PHLDB2: variants seen among roughly 807,000 people sequenced by gnomAD.
The protein encoded by PHLDB2 is pleckstrin homology-like domain family B member 2.
In PHLDB2, 71 loss-of-function variants were observed where a neutral mutation model predicts 123.6. That is an observed-to-expected ratio of 0.57 (90% CI 0.47 to 0.70). The LOEUF (loss-of-function observed/expected upper bound fraction) is 0.70. Ranked by LOEUF, PHLDB2 falls within the 30% of genes least tolerant of loss-of-function variation. The pLI, the probability that PHLDB2 is intolerant of heterozygous loss-of-function variation, is 0.00. For missense variants in PHLDB2, 1,446 were observed against 1,519.5 expected, an observed-to-expected ratio of 0.95 and a Z score of 0.80; for synonymous variants, 547 against 541.6, an observed-to-expected ratio of 1.01 and a Z score of -0.14.
chr3:111,955,144 G>GATATATATATATATAT lies in PHLDB2; in HGVS notation c.2872+1116_2872+1131dup, dbSNP rs1553754364. ...TAATGTGTATTGTGTATGTATATAT[G>GATATATATATATATAT]ATATATATATATATATCTCTCACTG... On this transcript the variant is annotated intron_variant, in intron 12 of 17. Transcript: ENST00000431670. Among the ~76,000 whole-genome samples, 586 of 145,242 alleles carry GATATATATATATATAT rather than the reference G, an allele frequency of 4.0e-3. 4 individuals are homozygous for GATATATATATATATAT. Among genetic ancestry groups the GATATATATATATATAT allele is most frequent in the African/African-American group, 7.5e-3 (294 of 39,432 alleles).
chr3:111,791,447 A>G (rs1381874000), intron 1 of PHLDB2, among the ~76,000 whole-genome samples: 1 of 152,198 alleles, frequency 6.6e-6, no homozygotes, highest in African/African-American at 2.4e-5. Context: ...TCTCAAAAGT[A>G]TCTTTGTTGA....
At position 111,796,168 on chromosome 3, in the gene PHLDB2, G is replaced by A. The variant is rs147893343; in HGVS notation, c.-48-49653G>A. ...CTGACTCGGCTTCCCAAAGTGCTGG[G>A]ATTACAGGCATGAGCCACCACATCC... is the stretch of plus-strand genomic sequence containing the variant. On this transcript the variant is annotated intron_variant, in intron 1 of 17. Transcript: ENST00000393923. 1.8e-3 allele frequency among the ~76,000 whole-genome samples: 279 copies of A among 152,304 alleles called. 1 individual carries two copies. Among genetic ancestry groups the A allele is most frequent in the African/African-American group, 6.4e-3 (265 of 41,560 alleles).
intron 2 of PHLDB2, among the ~76,000 whole-genome samples, chr3:111,852,008 T>C (rs1308281334): frequency 2.0e-5 from 3 of 152,110 alleles, no homozygotes; most frequent in South Asian, 2.1e-4. Flanking sequence ...GTTGGACTCA[T>C]AGGACACAAA....
At chr3:111,797,751 G>T (rs1329388609) in intron 1 of PHLDB2, among the ~76,000 whole-genome samples, 2 of 152,208 alleles carry the variant, frequency 1.3e-5, no homozygotes, top group African/African-American at 4.8e-5. Context: ...TATTTAAGAT[G>T]CTCTTAACTT....
At chr3:111,798,682 A>AAAAATAAAATAAAACAAAAT (rs1553729568) in intron 1 of PHLDB2, among the ~76,000 whole-genome samples, 2 of 144,538 alleles carry the variant, frequency 1.4e-5, no homozygotes, top group Non-Finnish European at 3.0e-5. Flanking sequence ...TGTCTCTAAT[A>AAAAATAAAATAAAACAAAAT]AAAATAAAAT....
intron 1 of PHLDB2, among the ~76,000 whole-genome samples, chr3:111,788,117 G>A (rs1449911478): frequency 6.6e-6 from 1 of 152,146 alleles, no homozygotes; most frequent in East Asian, 1.9e-4. Context: ...TTTCCAGGAG[G>A]AGAATTGGTG....
rs993708114 is a variant in PHLDB2, at chr3:111,805,357, G to C, written c.-48-40464G>C. The stretch of plus-strand genomic sequence containing the variant: ...GGGCAGATCACGAGGTCAGGAGCTC[G>C]AGACCATCCTGGCTAACATGGTGAA... On this transcript the variant is annotated intron_variant, in intron 1 of 17. Transcript: ENST00000393923. Among the ~76,000 whole-genome samples, 4 of 151,986 alleles carry C rather than the reference G, an allele frequency of 2.6e-5. No homozygotes were observed. In the East Asian group the frequency reaches 5.8e-4, roughly 22 times the overall value.
At chr3:111,937,789 T>TA (rs543757980) in intron 6 of PHLDB2, among the ~76,000 whole-genome samples, 4,381 of 131,702 alleles carry the variant, frequency 0.033, 92 homozygotes, top group South Asian at 0.084. Flanking sequence ...AAAAAAAAAT[T>TA]AAAAAAAAAA....
In PHLDB2 at chr3:111,943,014, C is replaced by T. The variant is rs143158402; in HGVS notation, c.2398-2254C>T. ...TTCAGTATTCACTAATTTCAGTGTT[C>T]GTGGCAAAATTATATAACATAGTTA... On this transcript the variant is annotated intron_variant, in intron 8 of 17. Transcript: ENST00000431670. Among the ~76,000 whole-genome samples the T allele has an allele frequency of 7.9e-5, 12 of 151,978 alleles. No homozygotes were observed. The East Asian group carries it at 1.7e-3, about 22-fold the overall frequency.
At chr3:111,743,290 T>C (rs920978924) in intron 1 of PHLDB2, among the ~76,000 whole-genome samples, 1 of 152,088 alleles carries the variant, frequency 6.6e-6, no homozygotes, top group Non-Finnish European at 1.5e-5. Flanking sequence ...AACTAAAAGG[T>C]AGGAAAAAGA....
chr3:111,830,965 GAAAGAAAGAAAGAAAGAAAGAAAGAA>G lies in PHLDB2; in HGVS notation c.-48-14854_-48-14829del, dbSNP rs2062961777. ...AAGGAAAGAAAGAAAGAGAAAGAAA[GAAAGAAAGAAAGAAAGAAAGAAAGAA>G]AGAAAGAAAGAAAGAAAGAAAGAAA... is the stretch of plus-strand genomic sequence containing the variant. On this transcript the variant is annotated intron_variant, in intron 1 of 17. Transcript: ENST00000393923. 2.7e-4 allele frequency among the ~76,000 whole-genome samples: 13 copies of G among 48,492 alleles called. 1 individual carries two copies. The highest frequency in any genetic ancestry group is 6.1e-4 in the African/African-American group (13 of 21,336). The allele number at this position is 48,492 out of a possible 152,430, so 31.8% of individuals were successfully genotyped here.
Position 111,976,127 on chromosome 3 carries a change from CT to C in PHLDB2, c.*1568del, listed in dbSNP as rs1451782496. The C allele has an allele frequency of 6.6e-6, 1 of 152,598 alleles. No individual in the cohort carries two copies. Among genetic ancestry groups the C allele is most frequent in the African/African-American group, 2.4e-5 (1 of 41,444 alleles). The allele number at this position is 152,598 out of a possible 1,614,324, so 9.5% of individuals were successfully genotyped here. ...TTTGTTGGTTAATGTAAAGATATGA[CT>C]TTTCTGCACTGTACTCTCTTCATAG... On this transcript the variant is annotated 3_prime_UTR_variant, in exon 18 of 18. Transcript: ENST00000431670.
In PHLDB2 at chr3:111,846,014, C is replaced by T. The variant is rs2063967740; in HGVS notation, c.67+79C>T. The T allele has an allele frequency of 7.2e-6, 10 of 1,384,262 alleles. No homozygotes were observed. In the South Asian group the frequency reaches 1.1e-4, roughly 16 times the overall value. The allele number at this position is 1,384,262 out of a possible 1,614,324, so 85.7% of individuals were successfully genotyped here. A position where few individuals can be genotyped will look rare whatever the true frequency, so the allele number is the denominator to read the frequency against. On this transcript the variant is annotated intron_variant, in intron 2 of 17. Coordinates refer to the PHLDB2 transcript ENST00000393923. ...ATCATACATATTGGGAATGAGCTGG[C>T]ATTTTCAAGCATATACCCAGGAGTC...
At chr3:111,827,541 G>T (rs1351941540) in intron 1 of PHLDB2, among the ~76,000 whole-genome samples, 4 of 152,066 alleles carry the variant, frequency 2.6e-5, no homozygotes, top group African/African-American at 9.7e-5. Context: ...CGGGTGTTGT[G>T]GCAGGCGCCT....
At chr3:111,939,873 G>A (rs1289534035) in intron 7 of PHLDB2, among the ~76,000 whole-genome samples, 1 of 152,132 alleles carries the variant, frequency 6.6e-6, no homozygotes, top group African/African-American at 2.4e-5. Context: ...TAGAAAATCA[G>A]GAATTCAGAT....
rs74365628 is a variant in PHLDB2, at chr3:111,793,581, A to G, written c.-48-52240A>G. 1.8e-3 allele frequency among the ~76,000 whole-genome samples: 268 copies of G among 152,004 alleles called. 1 individual carries two copies. Among genetic ancestry groups the G allele is most frequent in the Middle Eastern group, 6.8e-3 (2 of 294 alleles). ...TGCTCTCCTTTTTCCAAGCAGAAAG[A>G]GTCCCTCCCCATAGCCGCCACAGCT... On this transcript the variant is annotated intron_variant, in intron 1 of 17. Transcript: ENST00000393923.
chr3:111,914,045 T>C (rs2068028562), intron 3 of PHLDB2: 2 of 266,010 alleles, frequency 7.5e-6, no homozygotes, highest in South Asian at 6.1e-5. Context: ...TATATATGGC[T>C]ATCTGTTATA....
At chr3:111,740,687 A>G (rs1000425378) in intron 1 of PHLDB2, among the ~76,000 whole-genome samples, 3 of 126,190 alleles carry the variant, frequency 2.4e-5, no homozygotes, top group African/African-American at 3.4e-5. Flanking sequence ...AAGCCACAAA[A>G]CTAACAATCA....
intron 9 of PHLDB2, among the ~76,000 whole-genome samples, chr3:111,946,695 G>A (rs111586577): frequency 7.5e-4 from 114 of 152,360 alleles, no homozygotes; most frequent in Middle Eastern, 3.4e-3. Context: ...GGTCTTGTGA[G>A]TCTGTTAAAG....
Sources: gnomAD v4.1 joint callset for allele counts (sites outside exome capture counted in the v4.1 genomes callset) on GRCh38, gnomAD v4.1.1 for gene constraint, MANE v1.5 for transcripts, NCBI Gene and HGNC (gene_info 2026-07-23, HGNC 2026-07-21) for gene names.